The following CABIN1 variants were observed in gnomAD, a reference collection of about 807,000 sequenced individuals.
The protein encoded by CABIN1 is calcineurin-binding protein cabin-1.
Under a neutral mutation model 227.7 loss-of-function variants are expected in CABIN1, and 133 were observed. That is an observed-to-expected ratio of 0.58 (90% CI 0.51 to 0.67). The LOEUF is 0.67. Among genes scored for constraint, CABIN1 ranks in the 30% least tolerant of loss-of-function variants. CABIN1 has a pLI of 0.00. For synonymous variants in CABIN1, 1,086 were observed against 1,155.1 expected, an observed-to-expected ratio of 0.94 and a Z score of 1.21; for missense variants, 2,408 against 2,852.5, an observed-to-expected ratio of 0.84 and a Z score of 3.55.
chr22:24,087,200 C>T (rs142626804), intron 22 of CABIN1, among the ~76,000 whole-genome samples: 69 of 152,340 alleles, frequency 4.5e-4, no homozygotes, highest in South Asian at 1.2e-3. Flanking sequence ...TACATTTTGT[C>T]TCATAATGCC....
At chr22:24,079,184 C>T (rs112815573) in intron 19 of CABIN1, among the ~76,000 whole-genome samples, 1,590 of 152,190 alleles carry the variant, frequency 0.01, 24 homozygotes, top group African/African-American at 0.035. Flanking sequence ...TTATTCATAA[C>T]GCATGTCCAC....
intron 16 of CABIN1, among the ~76,000 whole-genome samples, 177 bp from the exon 17 acceptor site, chr22:24,070,623 C>G (rs1381034038): frequency 6.6e-6 from 1 of 152,254 alleles, no homozygotes; most frequent in Non-Finnish European, 1.5e-5. Flanking sequence ...GCACACAGGC[C>G]ACTGGACTGC....
At chr22:24,140,467 TTG>T in intron 29 of CABIN1, among the ~76,000 whole-genome samples, 1 of 152,142 alleles carries the variant, frequency 6.6e-6, no homozygotes, top group East Asian at 1.9e-4. Context: ...GGCTGAGGGT[TTG>T]TGTCTGGGTG....
chr22:24,084,949 G>T (rs1387503952), intron 21 of CABIN1, 57 bp from the exon 22 acceptor site: 3 of 1,607,658 alleles, frequency 1.9e-6, no homozygotes, highest in Non-Finnish European at 2.6e-6. Context: ...TGGGTTTACT[G>T]GTCACATCTG....
chr22:24,135,662 C>A (rs562500103), intron 29 of CABIN1, among the ~76,000 whole-genome samples: 1 of 152,238 alleles, frequency 6.6e-6, no homozygotes, highest in Non-Finnish European at 1.5e-5. Context: ...ATGGCCAGCT[C>A]CCAGCTGGAT....
At chr22:24,149,597 T>C (rs1252750045) in intron 29 of CABIN1, among the ~76,000 whole-genome samples, 1 of 152,258 alleles carries the variant, frequency 6.6e-6, no homozygotes, top group Non-Finnish European at 1.5e-5. Context: ...TTTGAAATGC[T>C]GATCTCTAAA....
intron 24 of CABIN1, 190 bp downstream of exon 24, chr22:24,092,033 T>A (rs2041580264): frequency 2.9e-6 from 2 of 689,076 alleles, no homozygotes; most frequent in Admixed American, 2.9e-5. Flanking sequence ...GTGTTTATCA[T>A]CCTTTCTGGG....
intron 29 of CABIN1, among the ~76,000 whole-genome samples, chr22:24,137,170 T>C (rs1473452699): frequency 6.6e-6 from 1 of 152,222 alleles, no homozygotes; most frequent in Non-Finnish European, 1.5e-5. Context: ...CTCTCTCCTT[T>C]TGGTGCTTTG....
In CABIN1 at chr22:24,098,144, C is replaced by T. The variant is rs781281791; in HGVS notation, c.4069C>T (p.His1357Tyr). 1.2e-6 allele frequency: 2 copies of T among 1,614,046 alleles called. No homozygotes were observed. Among genetic ancestry groups the T allele is most frequent in the Non-Finnish European group, 8.5e-7 (1 of 1,180,046 alleles). Residue 1357 changes from histidine (H) to tyrosine (Y), a missense_variant, in exon 26 of 37, where the codon CAC becomes TAC. His to Tyr is a moderately conservative substitution (Grantham distance 83). Transcript: ENST00000263119. ...SPPYTATPID[H>Y]DYVKCKKPHQ... ...ACCTTACACAGCCACTCCGATTGACCACGATTACGTCAAATGTAAAAAACC... is the reference window on the plus strand; with the variant it reads ...ACCTTACACAGCCACTCCGATTGACTACGATTACGTCAAATGTAAAAAACC...
chr22:24,158,364 G>A (rs1026656494), intron 29 of CABIN1, among the ~76,000 whole-genome samples: 3 of 152,230 alleles, frequency 2.0e-5, no homozygotes, highest in Non-Finnish European at 4.4e-5. Flanking sequence ...AGGGAGAAAA[G>A]CTTTGTGGAG....
At chr22:24,092,011 T>G (rs889852089) in intron 24 of CABIN1, 168 bp downstream of exon 24, 58 of 764,570 alleles carry the variant, frequency 7.6e-5, no homozygotes, top group Middle Eastern at 3.5e-4. Context: ...ATTTCCTCTC[T>G]TTTCCCAAGG....
intron 29 of CABIN1, 41 bp downstream of exon 29, chr22:24,134,456 C>A: frequency 6.5e-7 from 1 of 1,530,768 alleles, no homozygotes; most frequent in Non-Finnish European, 9.0e-7. Context: ...CTGTTTGTTG[C>A]CACTGCTTTT....
rs760574057 is a variant in CABIN1 at position 24,166,979 on chromosome 22, G to A, written c.5348G>A (p.Arg1783His). The A allele has an allele frequency of 2.5e-5, 40 of 1,580,758 alleles. No homozygotes were observed. The highest frequency in any genetic ancestry group is 1.7e-4 in the Middle Eastern group (1 of 6,030). Reference sequence around the variant, plus strand: ...CGGACACCACCCCTGCTGCCAGGTCGCCCCGCAAGGGACCGGGGCCCCGAG... The same window carrying A: ...CGGACACCACCCCTGCTGCCAGGTCACCCCGCAAGGGACCGGGGCCCCGAG... The part of the protein sequence containing the change: ...LERTPPLLPG[R>H]PARDRGPESR... Residue 1783 changes from arginine (R) to histidine (H), a missense_variant, in exon 32 of 37, where the codon CGC becomes CAC. By Grantham distance (29) the Arg-to-His change is conservative. Around this residue, in one of 3 missense-constraint regions of CABIN1, gnomAD observed 714 missense variants for 773.8 expected, o/e 0.92. Coordinates refer to ENST00000263119, the MANE Select transcript of CABIN1 (RefSeq NM_012295.4).
At chr22:24,091,264 A>C (rs1299229746) in intron 23 of CABIN1, among the ~76,000 whole-genome samples, 1 of 152,206 alleles carries the variant, frequency 6.6e-6, no homozygotes, top group African/African-American at 2.4e-5. Context: ...TGTCCTCTCC[A>C]GTGCTGTGGA....
chr22:24,101,031 A>T (rs1244991142), intron 26 of CABIN1, among the ~76,000 whole-genome samples: 1 of 152,170 alleles, frequency 6.6e-6, no homozygotes, highest in Non-Finnish European at 1.5e-5. Context: ...GCATGGCCTC[A>T]CAAGAGGTGG....
chr22:24,064,720 T>C (rs1187788927), intron 15 of CABIN1, among the ~76,000 whole-genome samples: 1 of 151,672 alleles, frequency 6.6e-6, no homozygotes, highest in Non-Finnish European at 1.5e-5. Flanking sequence ...TGATGACTCT[T>C]AACGAGCATG....
chr22:24,170,715 A>G (rs1430234414), intron 33 of CABIN1, among the ~76,000 whole-genome samples: 2 of 150,412 alleles, frequency 1.3e-5, no homozygotes, highest in African/African-American at 2.5e-5. Flanking sequence ...AGCAAAACCA[A>G]TGTCAGAAGA....
intron 31 of CABIN1, among the ~76,000 whole-genome samples, chr22:24,165,941 A>T (rs2046421075): frequency 6.6e-6 from 1 of 152,212 alleles, no homozygotes; most frequent in Non-Finnish European, 1.5e-5. Flanking sequence ...AGGCTGACCA[A>T]GGCCTATGAG....
chr22:24,111,331 T>G (rs1268690129), intron 26 of CABIN1, among the ~76,000 whole-genome samples: 1 of 152,186 alleles, frequency 6.6e-6, no homozygotes, highest in Non-Finnish European at 1.5e-5. Flanking sequence ...CGTGGCCTGT[T>G]AGGAACTGGG....
Sources: gnomAD v4.1 joint callset for allele counts (sites outside exome capture counted in the v4.1 genomes callset) on GRCh38, gnomAD v4.1.1 for gene constraint, gnomAD v4.1.1 regional missense constraint, MANE v1.5 for transcripts, NCBI Gene and HGNC (gene_info 2026-07-23, HGNC 2026-07-21) for gene names.